The following NFKBIZ variants were observed in gnomAD, a reference collection of about 807,000 sequenced individuals.
NFKBIZ encodes the protein NF-kappa-B inhibitor zeta.
NFKBIZ carries 19 observed loss-of-function variants against 76.8 expected under a neutral mutation model. The ratio of observed to expected loss-of-function variants is 0.25; its 90% CI spans 0.17 to 0.36. The LOEUF (loss-of-function observed/expected upper bound fraction) is 0.36, where lower values mean the gene tolerates loss of function less well. NFKBIZ is among the 10% of genes least tolerant of loss of function. The pLI, the probability that NFKBIZ is intolerant of heterozygous loss-of-function variation, is 1.00. For synonymous variants in NFKBIZ, 368 were observed against 354.8 expected (o/e 1.04, Z -0.42); for missense variants, 829 against 910.9 (o/e 0.91, Z 1.16).
chr3:101,853,733 A>G lies in NFKBIZ; in HGVS notation c.1207A>G (p.Asn403Asp). 1 of 1,614,242 alleles carries G rather than the reference A, an allele frequency of 6.2e-7. No homozygotes were observed. Reference sequence around the variant, plus strand: ...TTCAAACACTTCACTGCCATTCTCAAACATGGGAAATCCAATGAACACCAC... The same window carrying G: ...TTCAAACACTTCACTGCCATTCTCAGACATGGGAAATCCAATGAACACCAC... ...DSSNTSLPFS[N>D]MGNPMNTTQL... The change falls in exon 5 of 12, where the codon AAC (asparagine) becomes GAC (aspartate). Residue 403 changes from asparagine to aspartate, a missense_variant. Asn to Asp is a conservative substitution (Grantham distance 23). This residue lies in a region of NFKBIZ where 272 missense variants were observed against 384.2 expected (regional missense o/e 0.71). Coordinates refer to ENST00000326172, the MANE Select transcript of NFKBIZ (RefSeq NM_031419.4).
At position 101,849,541 on chromosome 3, in the gene NFKBIZ, A is replaced by T; in HGVS notation, c.-88A>T. 8.6e-7 allele frequency: 1 copy of T among 1,165,206 alleles called. No homozygotes were observed. The highest frequency in any genetic ancestry group is 4.3e-5 in the Admixed American group (1 of 23,164). The allele number at this position is 1,165,206 out of a possible 1,614,324, so 72.2% of individuals were successfully genotyped here. ...ACTGGCCCGCGCCGTCCGCCCGCCG[A>T]CAGCTCCCTGAGCCAGCCCGGGAGG... On this transcript the variant is annotated 5_prime_UTR_variant, in exon 1 of 12. Coordinates refer to ENST00000326172, the MANE Select transcript of NFKBIZ (RefSeq NM_031419.4).
Position 101,855,077 on chromosome 3 carries a change from G to T in NFKBIZ, c.1459G>T (p.Ala487Ser). 6.2e-7 allele frequency: 1 copy of T among 1,608,136 alleles called. No individual in the cohort carries two copies. The change falls in exon 7 of 12, where the codon GCA becomes TCA. Residue 487 changes from alanine to serine, a missense_variant. Ala to Ser is a moderately conservative substitution (Grantham distance 99). Transcript: ENST00000326172. ...ATATCCACAGAGTGCCTTTCAGGTG[G>T]CAGTGGCTGCCAATCAGCATCTCAT... ...EHNGQSAFQV[A>S]VAANQHLIVQ...
rs908016916 is a variant in NFKBIZ, at chr3:101,859,617, A to G, written c.*246A>G. On this transcript the variant is annotated 3_prime_UTR_variant, in exon 12 of 12. Transcript: ENST00000326172. ...ATCTAGACATCTGAATTTGATCTCA[A>G]TGGTAACATTGCCTTCAATTAACAG... The G allele has an allele frequency of 3.5e-5, 11 of 317,158 alleles. No individual in the cohort carries two copies. The highest frequency in any genetic ancestry group is 1.3e-4 in the African/African-American group (6 of 47,810). The allele number at this position is 317,158 out of a possible 1,614,324, so 19.6% of individuals were successfully genotyped here. A position where few individuals can be genotyped will look rare whatever the true frequency, so the allele number is the denominator to read the frequency against.
intron 5 of NFKBIZ, among the ~76,000 whole-genome samples, chr3:101,854,277 C>T (rs755267969): frequency 1.3e-5 from 2 of 151,986 alleles, no homozygotes; most frequent in Non-Finnish European, 1.5e-5. Context: ...AGTTCCTTGA[C>T]GTGTAAAATG....
At chr3:101,836,997 T>C (rs1942728836) in intron 2 of NFKBIZ, among the ~76,000 whole-genome samples, 2 of 152,194 alleles carry the variant, frequency 1.3e-5, no homozygotes, top group Admixed American at 6.5e-5. Context: ...TTCTGTGAGG[T>C]CTCTTTTCCC....
At chr3:101,829,413 G>A (rs1942613831) in intron 1 of NFKBIZ, among the ~76,000 whole-genome samples, 1 of 152,096 alleles carries the variant, frequency 6.6e-6, no homozygotes, top group Non-Finnish European at 1.5e-5. Flanking sequence ...TCTCTTTCTT[G>A]TCCTGTAACA....
chr3:101,831,201 T>C (rs1184398074), intron 2 of NFKBIZ, among the ~76,000 whole-genome samples: 1 of 152,188 alleles, frequency 6.6e-6, no homozygotes, highest in African/African-American at 2.4e-5. Context: ...GAGGGTGATA[T>C]TATCTCCAAG....
chr3:101,837,510 AAAAG>A (rs1479431385), intron 2 of NFKBIZ, among the ~76,000 whole-genome samples: 1 of 146,760 alleles, frequency 6.8e-6, no homozygotes, highest in Non-Finnish European at 1.5e-5. Flanking sequence ...AAAAAAAAAG[AAAAG>A]AAAAAAGAAA....
intron 1 of NFKBIZ, among the ~76,000 whole-genome samples, chr3:101,851,820 A>G (rs1248524410): frequency 1.3e-5 from 2 of 152,202 alleles, no homozygotes; most frequent in African/African-American, 2.4e-5. Flanking sequence ...GGGTTTACCT[A>G]TTGGCTCTGA....
chr3:101,844,055 A>C (rs1576810126), intron 2 of NFKBIZ, among the ~76,000 whole-genome samples: 2 of 152,236 alleles, frequency 1.3e-5, no homozygotes, highest in African/African-American at 4.8e-5. Context: ...AAACCAAACC[A>C]AAAACTGACA....
At position 101,860,499 on chromosome 3, in the gene NFKBIZ, C is replaced by T. The variant is rs1943116254; in HGVS notation, c.*1128C>T. ...GCTGGCAGTTGCATGGAAGAGAACACCTCTTTATGGCTTACCCTCTAGAAT... is the reference window on the plus strand; with the variant it reads ...GCTGGCAGTTGCATGGAAGAGAACATCTCTTTATGGCTTACCCTCTAGAAT... On this transcript the variant is annotated 3_prime_UTR_variant, in exon 12 of 12. Coordinates refer to ENST00000326172, the MANE Select transcript of NFKBIZ (RefSeq NM_031419.4). The T allele has an allele frequency of 1.3e-5, 2 of 152,066 alleles. No homozygotes were observed. The highest frequency in any genetic ancestry group is 2.9e-5 in the Non-Finnish European group (2 of 68,016). 9.4% of individuals were successfully genotyped at this position (152,066 alleles called of 1,614,324 possible).
chr3:101,833,647 A>G (rs773224323), intron 2 of NFKBIZ, among the ~76,000 whole-genome samples: 2 of 152,160 alleles, frequency 1.3e-5, no homozygotes, highest in Non-Finnish European at 2.9e-5. Context: ...TTGAGAGATG[A>G]GCTGTCTGAA....
chr3:101,836,356 C>T (rs985986870), intron 2 of NFKBIZ, among the ~76,000 whole-genome samples: 17 of 152,314 alleles, frequency 1.1e-4, no homozygotes, highest in South Asian at 6.2e-4. Context: ...GGAGGCTCTC[C>T]GGGAACTCTC....
In NFKBIZ at chr3:101,859,301, A is replaced by G. The variant is rs1289989758; in HGVS notation, c.2104-17A>G. ...ATAAGAAATAAACCTCACAAATTTT[A>G]TTTGTTTCTCTTCCAGATCCGACGT... On this transcript the variant is annotated splice_polypyrimidine_tract_variant and intron_variant, in intron 11 of 11. Coordinates refer to ENST00000326172, the MANE Select transcript of NFKBIZ (RefSeq NM_031419.4). 1.2e-6 allele frequency: 2 copies of G among 1,611,618 alleles called. No homozygotes were observed. The highest frequency in any genetic ancestry group is 1.7e-4 in the Middle Eastern group (1 of 6,052).
At chr3:101,858,118 T>C (rs1463753453) in intron 11 of NFKBIZ, 1 of 979,884 alleles carries the variant, frequency 1.0e-6, no homozygotes, top group Non-Finnish European at 1.2e-6. Flanking sequence ...ATGTTTTTGA[T>C]GGAACTCTTT....
intron 1 of NFKBIZ, among the ~76,000 whole-genome samples, chr3:101,850,619 T>C (rs527396991): frequency 1.2e-4 from 19 of 152,152 alleles, no homozygotes; most frequent in Non-Finnish European, 2.5e-4. Context: ...GTGAACCGAG[T>C]TGCATAATTT....
chr3:101,853,563 A>G lies in NFKBIZ; in HGVS notation c.1037A>G (p.Asp346Gly), dbSNP rs574615545. The stretch of plus-strand genomic sequence containing the variant: ...CAAAGCTTAGTTTCCCTTCTTGGTG[A>G]TCAAAGGGAATCTGAGAATATTGCT... ...PNQSLVSLLG[D>G]QRESENIANP... The change falls in exon 5 of 12, where the codon GAT becomes GGT. Residue 346 changes from aspartate (D) to glycine (G), a missense_variant. Asp to Gly is a moderately conservative substitution (Grantham distance 94, BLOSUM62 -1). Around this residue, in one of 4 missense-constraint regions of NFKBIZ, gnomAD observed 371 missense variants for 332.3 expected, o/e 1.12. Coordinates refer to ENST00000326172, the MANE Select transcript of NFKBIZ (RefSeq NM_031419.4). The G allele has an allele frequency of 6.2e-7, 1 of 1,614,184 alleles. No individual in the cohort carries two copies. Among genetic ancestry groups the G allele is most frequent in the East Asian group, 2.2e-5 (1 of 44,890 alleles).
chr3:101,853,387 C>T lies in NFKBIZ; in HGVS notation c.861C>T (p.Tyr287=), dbSNP rs1383709362. 1 of 1,614,014 alleles carries T rather than the reference C, an allele frequency of 6.2e-7. No homozygotes were observed. Among genetic ancestry groups the T allele is most frequent in the African/African-American group, 1.3e-5 (1 of 74,886 alleles). ...AAATGATAGACCAGGCTTCCCTGTA[C>T]CAGTATTCTCCACAGAACCAGCATG... The part of the protein sequence containing the change: ...SQQMIDQASL[Y]QYSPQNQHVE... The change falls in exon 5 of 12, where the codon TAC becomes TAT. Residue 287 remains tyrosine (Y), a synonymous_variant. Coordinates refer to ENST00000326172, the MANE Select transcript of NFKBIZ (RefSeq NM_031419.4).
rs71132601 is a variant in NFKBIZ at position 101,829,879 on chromosome 3, T to TTGTG, written c.-12+210_-12+213dup. ...GTGATTTCATGAGAACTAAGATTTT[T>TTGTG]TGTGTGTGTGTGTGTGTGTGTGGTT... On this transcript the variant is annotated intron_variant, in intron 2 of 12. Transcript: ENST00000394054. Among the ~76,000 whole-genome samples the TTGTG allele has an allele frequency of 8.2e-4, 124 of 150,390 alleles. 2 individuals carry two copies. In the South Asian group the frequency reaches 0.023, roughly 28 times the overall value.
Sources: allele counts gnomAD v4.1 joint callset (sites outside exome capture counted in the v4.1 genomes callset), GRCh38; gene constraint gnomAD v4.1.1; regional missense constraint gnomAD v4.1.1; transcripts MANE v1.5; gene names NCBI Gene and HGNC (gene_info 2026-07-23, HGNC 2026-07-21).